Variants in CDK5RAP2 observed in about 807,000 individuals in gnomAD.
The protein encoded by CDK5RAP2 is CDK5 regulatory subunit-associated protein 2.
A neutral mutation model predicts 232.9 loss-of-function variants in CDK5RAP2; 147 were observed. The ratio of observed to expected loss-of-function variants is 0.63; its 90% CI spans 0.55 to 0.72. The LOEUF (loss-of-function observed/expected upper bound fraction) is 0.72, where lower values mean the gene tolerates loss of function less well. Among genes scored for constraint, CDK5RAP2 ranks in the 30% least tolerant of loss-of-function variants. CDK5RAP2 has a pLI of 0.00. For synonymous variants in CDK5RAP2, 833 were observed against 833.7 expected (o/e 1.00, Z 0.01); for missense variants, 2,195 against 2,231.5 (o/e 0.98, Z 0.33).
In CDK5RAP2 at chr9:120,470,180, TAGATA is replaced by T. The variant is rs2131521217; in HGVS notation, c.1894_1898del (p.Tyr632LysfsTer5). 8 of 1,595,440 alleles carry T rather than the reference TAGATA, an allele frequency of 5.0e-6. No individual in the cohort carries two copies. The highest frequency in any genetic ancestry group is 4.5e-5 in the East Asian group (2 of 44,750). ...GATTGTTTTCTTCAAGGCAAATACT[TAGATA>T]AGATGTTTGATCACTATAAAGTGAA... On this transcript the variant is annotated frameshift_variant, in exon 17 of 38. Transcript: ENST00000349780. LOFTEE classifies it high-confidence loss of function.
intron 4 of CDK5RAP2, among the ~76,000 whole-genome samples, chr9:120,546,437 G>A (rs1157306869): frequency 6.6e-6 from 1 of 152,174 alleles, no homozygotes; most frequent in African/African-American, 2.4e-5. Flanking sequence ...TATAACTCAC[G>A]TGAGAATCCA....
intron 19 of CDK5RAP2, 22 bp downstream of exon 19, chr9:120,460,550 G>A (rs774262829): frequency 1.2e-6 from 2 of 1,609,580 alleles, no homozygotes; most frequent in South Asian, 1.1e-5. Context: ...ATGAAATAAG[G>A]AGTTAACTGA....
intron 27 of CDK5RAP2, 120 bp downstream of exon 27, chr9:120,419,668 G>A (rs2034448642): frequency 3.7e-6 from 3 of 812,414 alleles, no homozygotes. Flanking sequence ...TGGCCCTAAT[G>A]GGATCTCCTT....
chr9:120,523,439 C>G (rs1376554953), intron 11 of CDK5RAP2, among the ~76,000 whole-genome samples: 1 of 152,184 alleles, frequency 6.6e-6, no homozygotes, highest in Admixed American at 6.5e-5. Context: ...AAAAGAGAAA[C>G]AGTCTAAAGT....
At chr9:120,437,982 T>G (rs149908358) in intron 24 of CDK5RAP2, among the ~76,000 whole-genome samples, 81 of 152,298 alleles carry the variant, frequency 5.3e-4, no homozygotes, top group African/African-American at 1.9e-3. Flanking sequence ...TAACTACCAT[T>G]TACTGAGGGT....
intron 3 of CDK5RAP2, among the ~76,000 whole-genome samples, chr9:120,556,680 C>T (rs1564374867): frequency 6.6e-6 from 1 of 152,162 alleles, no homozygotes. Context: ...CCACTCGCCT[C>T]AGCCTCCCAA....
rs971664351 is a variant in CDK5RAP2, at chr9:120,550,878, T to C, written c.220A>G (p.Asn74Asp). The C allele has an allele frequency of 4.3e-6, 7 of 1,612,272 alleles. No homozygotes were observed. Among genetic ancestry groups the C allele is most frequent in the Non-Finnish European group, 5.9e-6 (7 of 1,178,340 alleles). Residue 74 changes from asparagine to aspartate, a missense_variant, in exon 4 of 38, where the codon AAC (asparagine) becomes GAC (aspartate). Coordinates refer to ENST00000349780, the MANE Select transcript of CDK5RAP2 (RefSeq NM_018249.6). ...TAGATGCGGAGCTTTAGGTTAAAGTTTTCTTTCTTCAATTCAGTGATTTGC... is the reference window on the plus strand; with the variant it reads ...TAGATGCGGAGCTTTAGGTTAAAGTCTTCTTTCTTCAATTCAGTGATTTGC... ...ENQITELKKE[N>D]FNLKLRIYFL...
chr9:120,532,816 G>A (rs2041212129), intron 7 of CDK5RAP2, among the ~76,000 whole-genome samples: 1 of 152,152 alleles, frequency 6.6e-6, no homozygotes, highest in Non-Finnish European at 1.5e-5. Context: ...ATCCCAGGAA[G>A]ATGCCGCCTT....
At chr9:120,404,771 G>A (rs965321456) in intron 32 of CDK5RAP2, among the ~76,000 whole-genome samples, 1 of 152,212 alleles carries the variant, frequency 6.6e-6, no homozygotes, top group African/African-American at 2.4e-5. Flanking sequence ...CTAGAGATGA[G>A]AGTAACCCAC....
intron 12 of CDK5RAP2, among the ~76,000 whole-genome samples, chr9:120,518,208 T>TACA (rs2040439085): frequency 9.0e-6 from 1 of 111,396 alleles, no homozygotes; most frequent in African/African-American, 4.2e-5. Context: ...TGTGTGTGTG[T>TACA]GTGAGAGAGA....
rs1384552768 is a variant in CDK5RAP2, at chr9:120,409,230, C to G, written c.4501G>C (p.Val1501Leu). Residue 1501 changes from valine to leucine, a missense_variant, in exon 30 of 38, where the codon GTG (valine) becomes CTG (leucine). Physicochemically the swap from Val to Leu is conservative, Grantham distance 32. Transcript: ENST00000349780. ...TGCAGCCTTTCATTTTCTTCCTTCA[C>G]GCTGGCATACTCCCGCTGAAGGTGC... Reference protein sequence around the residue: ...LEHLQREYASVKEENERLQKE... With the variant: ...LEHLQREYASLKEENERLQKE... 3.1e-6 allele frequency: 5 copies of G among 1,614,108 alleles called. No homozygotes were observed. The South Asian group carries it at 3.3e-5, about 11-fold the overall frequency.
chr9:120,496,243 G>C (rs2039223808), intron 12 of CDK5RAP2, among the ~76,000 whole-genome samples: 1 of 128,712 alleles, frequency 7.8e-6, no homozygotes, highest in African/African-American at 2.9e-5. Context: ...GCCCCGTCTG[G>C]GAGGTGAGGG....
At chr9:120,451,889 GACAA>G (rs1001242934) in intron 21 of CDK5RAP2, among the ~76,000 whole-genome samples, 9 of 147,722 alleles carry the variant, frequency 6.1e-5, no homozygotes, top group South Asian at 2.1e-4. Flanking sequence ...TATATATACA[GACAA>G]ACAGAGAGTA....
At chr9:120,420,578 C>T (rs2034507019) in intron 26 of CDK5RAP2, among the ~76,000 whole-genome samples, 1 of 151,786 alleles carries the variant, frequency 6.6e-6, no homozygotes, top group African/African-American at 2.4e-5. Flanking sequence ...TCCCAAGGAC[C>T]ACCTAAGCCA....
intron 13 of CDK5RAP2, among the ~76,000 whole-genome samples, chr9:120,490,087 G>A (rs990948572): frequency 2.0e-5 from 3 of 152,134 alleles, no homozygotes; most frequent in Non-Finnish European, 4.4e-5. Context: ...AATTTCAGGC[G>A]TGAGCCACCA....
At chr9:120,442,671 T>G (rs1406114315) in intron 23 of CDK5RAP2, among the ~76,000 whole-genome samples, 2 of 152,238 alleles carry the variant, frequency 1.3e-5, no homozygotes, top group African/African-American at 4.8e-5. Flanking sequence ...AATATTTGCA[T>G]TATAAGAAAT....
intron 12 of CDK5RAP2, among the ~76,000 whole-genome samples, chr9:120,492,706 A>G (rs1472282373): frequency 1.3e-5 from 2 of 152,238 alleles, no homozygotes; most frequent in African/African-American, 2.4e-5. Flanking sequence ...GTTGTAAAAA[A>G]ATCTTAAACT....
At chr9:120,573,605 G>A (rs995581056) in intron 1 of CDK5RAP2, among the ~76,000 whole-genome samples, 2 of 150,996 alleles carry the variant, frequency 1.3e-5, no homozygotes, top group Non-Finnish European at 1.5e-5. Flanking sequence ...ATGAAAAAAC[G>A]TAAACAGAAT....
intron 11 of CDK5RAP2, among the ~76,000 whole-genome samples, chr9:120,520,808 GATATATCTCAT>G (rs2040605731): frequency 1.6e-5 from 1 of 64,332 alleles, no homozygotes; most frequent in Non-Finnish European, 3.6e-5. Context: ...TATCTCATGA[GATATATCTCAT>G]ATATATCTCA....
Sources: allele counts gnomAD v4.1 joint callset (sites outside exome capture counted in the v4.1 genomes callset), GRCh38; gene constraint gnomAD v4.1.1; transcripts MANE v1.5; gene names NCBI Gene and HGNC (gene_info 2026-07-23, HGNC 2026-07-21).